SRP19: variants seen among roughly 807,000 people sequenced by gnomAD.
SRP19 encodes signal recognition particle 19 kDa protein.
Under a neutral mutation model 22.4 loss-of-function variants are expected in SRP19, and 11 were observed. That is an observed-to-expected ratio of 0.49 (90% CI 0.31 to 0.81). The LOEUF (loss-of-function observed/expected upper bound fraction) is 0.81, where lower values mean the gene tolerates loss of function less well. Ranked by LOEUF, SRP19 falls within the 40% of genes least tolerant of loss-of-function variation. SRP19 has a pLI of 0.05. For synonymous variants in SRP19, 61 were observed against 57.6 expected (o/e 1.06, Z -0.27); for missense variants, 168 against 175.9 (o/e 0.96, Z 0.25).
downstream of SRP19, among the ~76,000 whole-genome samples, chr5:112,873,605 C>A (rs1309317170): frequency 6.6e-6 from 1 of 151,964 alleles, no homozygotes; most frequent in African/African-American, 2.4e-5. Flanking sequence ...CCTGGGCCTC[C>A]CAAAGTGCTG....
At chr5:112,889,160 G>A (rs1768353383) in intron 4 of SRP19, among the ~76,000 whole-genome samples, 1 of 150,680 alleles carries the variant, frequency 6.6e-6, no homozygotes, top group South Asian at 2.1e-4. Context: ...GCCCAGTCTC[G>A]GCTATGTCTT....
At chr5:112,893,846 A>C (rs991071037), downstream of SRP19, 4 of 152,200 alleles carry the variant, frequency 2.6e-5, no homozygotes, top group African/African-American at 9.7e-5. Context: ...TGTTACTCTT[A>C]GTTTTCCCAG....
At chr5:112,883,128 G>A (rs1246709920) in intron 4 of SRP19, among the ~76,000 whole-genome samples, 1 of 152,056 alleles carries the variant, frequency 6.6e-6, no homozygotes, top group African/African-American at 2.4e-5. Context: ...CCTACCTTAA[G>A]AAAAAAACTT....
At position 112,867,553 on chromosome 5, in the gene SRP19, AAGT is replaced by A; in HGVS notation, c.*18_*20del. ...AAAGAAGTAACCTAGTATCAGCATC[AAGT>A]ATGTGGTACTACTGTAAGAGACATG... On this transcript the variant is annotated 3_prime_UTR_variant, in exon 5 of 5. Coordinates refer to ENST00000505459, the MANE Select transcript of SRP19 (RefSeq NM_003135.3). 6.3e-7 allele frequency: 1 copy of A among 1,599,552 alleles called. No individual in the cohort carries two copies. The highest frequency in any genetic ancestry group is 8.5e-7 in the Non-Finnish European group (1 of 1,172,692).
chr5:112,879,859 G>A (rs577745098), intron 4 of SRP19, among the ~76,000 whole-genome samples: 30 of 152,044 alleles, frequency 2.0e-4, no homozygotes, highest in Admixed American at 1.6e-3. Flanking sequence ...TGGGAAGATC[G>A]CTTGAAGCCA....
At chr5:112,886,462 G>T (rs1768249129) in intron 4 of SRP19, among the ~76,000 whole-genome samples, 1 of 152,110 alleles carries the variant, frequency 6.6e-6, no homozygotes, top group Non-Finnish European at 1.5e-5. Flanking sequence ...GGCATCCCAG[G>T]CTTGTCTCTA....
chr5:112,861,654 C>G (rs968722408), intron 1 of SRP19, among the ~76,000 whole-genome samples: 1 of 152,126 alleles, frequency 6.6e-6, no homozygotes, highest in African/African-American at 2.4e-5. Context: ...TATCTGTACG[C>G]GAGACAAGGA....
intron 4 of SRP19, among the ~76,000 whole-genome samples, chr5:112,880,000 T>C (rs1383060255): frequency 6.6e-6 from 1 of 152,158 alleles, no homozygotes; most frequent in Non-Finnish European, 1.5e-5. Flanking sequence ...AAATTGTTGT[T>C]ATACTAAATT....
chr5:112,871,404 C>A (rs997786997), downstream of SRP19, among the ~76,000 whole-genome samples: 2 of 151,778 alleles, frequency 1.3e-5, no homozygotes, highest in African/African-American at 4.8e-5. Context: ...AACCTCCCAG[C>A]CTCAAGTGAT....
intron 4 of SRP19, chr5:112,887,069 C>T: frequency 1.2e-6 from 2 of 1,613,662 alleles, no homozygotes; most frequent in Non-Finnish European, 1.7e-6. Context: ...AGGTCCTTGA[C>T]CACACTGTCC....
Position 112,862,494 on chromosome 5 carries a change from A to G in SRP19, c.42-14A>G, listed in dbSNP as rs775377634. 7.4e-6 allele frequency: 12 copies of G among 1,611,972 alleles called. No individual in the cohort carries two copies. The highest frequency in any genetic ancestry group is 3.3e-4 in the Middle Eastern group (2 of 6,064). On this transcript the variant is annotated splice_polypyrimidine_tract_variant and intron_variant, in intron 1 of 4. Coordinates refer to ENST00000505459, the MANE Select transcript of SRP19 (RefSeq NM_003135.3). The stretch of plus-strand genomic sequence containing the variant: ...CTGCTCTAGTGATACCACTTATGCT[A>G]TTGTCTATGGCAGGTTTATTTGTAT...
chr5:112,876,082 T>A (rs2150030895), intron 4 of SRP19, among the ~76,000 whole-genome samples: 3 of 152,226 alleles, frequency 2.0e-5, no homozygotes, highest in Admixed American at 2.0e-4. Flanking sequence ...TACACTATCT[T>A]AAGTCATAGG....
chr5:112,883,187 T>C (rs1768130224), intron 4 of SRP19, among the ~76,000 whole-genome samples: 1 of 152,272 alleles, frequency 6.6e-6, no homozygotes, highest in Admixed American at 6.5e-5. Flanking sequence ...GCCCCATTCT[T>C]CTGCTCTCCT....
rs970744808 is a variant in SRP19 at position 112,869,413 on chromosome 5, A to C, written c.*1876A>C. ...TCCCAGCAGGCTTTCACTTAGTTTC[A>C]TTGTTGAGAACTGTGACAGGTCCAT... is the stretch of plus-strand genomic sequence containing the variant. On this transcript the variant is annotated 3_prime_UTR_variant, in exon 5 of 5. Coordinates refer to ENST00000505459, the MANE Select transcript of SRP19 (RefSeq NM_003135.3). 1.3e-5 allele frequency: 2 copies of C among 152,320 alleles called. No homozygotes were observed. The highest frequency in any genetic ancestry group is 4.8e-5 in the African/African-American group (2 of 41,570). 9.4% of individuals were successfully genotyped at this position (152,320 alleles called of 1,614,324 possible).
At chr5:112,874,800 G>C (rs891416355) in intron 4 of SRP19, among the ~76,000 whole-genome samples, 1 of 148,624 alleles carries the variant, frequency 6.7e-6, no homozygotes, top group African/African-American at 2.5e-5. Flanking sequence ...TTTTGAGACG[G>C]AGTTTCGCTC....
chr5:112,892,062 G>A (rs1768478416), exon 5 of SRP19: 11 of 1,562,776 alleles, frequency 7.0e-6, no homozygotes, highest in South Asian at 5.6e-5. Context: ...AGGAAGCTGT[G>A]CAGAAGATGC....
chr5:112,887,194 A>G (rs777034502), intron 4 of SRP19: 14 of 1,570,490 alleles, frequency 8.9e-6, no homozygotes, highest in Admixed American at 3.4e-5. Context: ...CTGCACAGAA[A>G]AAGAGCCAGC....
intron 1 of SRP19, chr5:112,862,228 C>G (rs951581117): frequency 1.2e-5 from 6 of 480,738 alleles, no homozygotes; most frequent in African/African-American, 1.2e-4. Flanking sequence ...TAAATACCCT[C>G]TAGACGTTTC....
intron 4 of SRP19, among the ~76,000 whole-genome samples, chr5:112,865,563 T>G (rs367796088): frequency 1.3e-5 from 2 of 152,194 alleles, no homozygotes; most frequent in South Asian, 4.1e-4. Flanking sequence ...TTAAATTTAC[T>G]TAAAAATAAT....
Sources: allele counts gnomAD v4.1 joint callset (sites outside exome capture counted in the v4.1 genomes callset), GRCh38; gene constraint gnomAD v4.1.1; transcripts MANE v1.5; gene names NCBI Gene and HGNC (gene_info 2026-07-23, HGNC 2026-07-21).